Variants in BEAN1 observed in about 807,000 individuals in gnomAD.
BEAN1 encodes brain expressed associated with NEDD4 1.
BEAN1 carries 17 observed loss-of-function variants against 17.7 expected under a neutral mutation model. The observed-to-expected ratio is 0.96, with a 90% CI of 0.66 to 1.44. The LOEUF is 1.44. Ranked by LOEUF, BEAN1 falls within the 40% of genes most tolerant of loss-of-function variation. The pLI is 0.00. For synonymous variants in BEAN1, 142 were observed against 151.8 expected (o/e 0.94, Z 0.47); for missense variants, 359 against 374.1 (o/e 0.96, Z 0.33).
Position 66,437,615 on chromosome 16 carries a change from T to C in BEAN1, c.-62T>C. 4 of 1,511,242 alleles carry C rather than the reference T, an allele frequency of 2.6e-6. No individual in the cohort carries two copies. The South Asian group carries it at 4.8e-5, about 18-fold the overall frequency. 93.6% of individuals were successfully genotyped at this position (1,511,242 alleles called of 1,614,324 possible). A position where few individuals can be genotyped will look rare whatever the true frequency, so the allele number is the denominator to read the frequency against. ...CGCAGGTGAGTGGAGGGGCCTTCCC[T>C]GCGAGAAGTCAGAGCTGTGCCCGTG... On this transcript the variant is annotated 5_prime_UTR_variant, in exon 2 of 5. Transcript: ENST00000536005.
chr16:66,493,425 G>A, exon 5 of BEAN1: 1 of 617,748 alleles, frequency 1.6e-6, no homozygotes, highest in Non-Finnish European at 2.9e-6. Flanking sequence ...CTCCCCAGTG[G>A]CTCTCCAGTC....
At chr16:66,466,320 C>T (rs1163985674) in intron 2 of BEAN1, among the ~76,000 whole-genome samples, 1 of 152,126 alleles carries the variant, frequency 6.6e-6, no homozygotes, top group African/African-American at 2.4e-5. Context: ...AAAAAACACA[C>T]TTCTGGTTTT....
intron 2 of BEAN1, among the ~76,000 whole-genome samples, chr16:66,439,444 G>T (rs1962160878): frequency 6.6e-6 from 1 of 152,230 alleles, no homozygotes; most frequent in African/African-American, 2.4e-5. Context: ...GAGCAGCCCA[G>T]CATGGAGAAG....
At chr16:66,437,254 T>A (rs1267875511) in intron 1 of BEAN1, among the ~76,000 whole-genome samples, 1 of 152,088 alleles carries the variant, frequency 6.6e-6, no homozygotes, top group East Asian at 1.9e-4. Context: ...GATGCCATGG[T>A]CTGTTGAAGT....
rs759861522 is a variant in BEAN1, at chr16:66,469,809, A to G, written c.233A>G (p.His78Arg). The change falls in exon 3 of 5, where the codon CAC (histidine) becomes CGC (arginine). Residue 78 changes from histidine to arginine, a missense_variant. By Grantham distance (29) the His-to-Arg change is conservative. Transcript: ENST00000536005. The stretch of plus-strand genomic sequence containing the variant: ...CACCGCCACCGCCACCACCGCCACC[A>G]CCACCACCATCATCACCACCGCCGG... ...QRHRHRHHRH[H>R]HHHHHHRRRR... is the part of the protein sequence containing the mutation. 41 of 1,529,486 alleles carry G rather than the reference A, an allele frequency of 2.7e-5. No homozygotes were observed. The South Asian group carries it at 4.5e-4, about 17-fold the overall frequency. 94.7% of individuals were successfully genotyped at this position (1,529,486 alleles called of 1,614,324 possible). A position where few individuals can be genotyped will look rare whatever the true frequency, so the allele number is the denominator to read the frequency against.
chr16:66,445,475 CAAAAAAAAAAAAAAAAAAAAAAAA>C (rs61540693), intron 2 of BEAN1, among the ~76,000 whole-genome samples: 78 of 49,328 alleles, frequency 1.6e-3, no homozygotes, highest in Non-Finnish European at 2.3e-3. Flanking sequence ...GACTCCGTCT[CAAAAAAAAAAAAAAAAAAAAAAAA>C]AAAAAAAAAA....
At chr16:66,433,640 C>T (rs1042676551) in intron 1 of BEAN1, among the ~76,000 whole-genome samples, 7 of 152,194 alleles carry the variant, frequency 4.6e-5, no homozygotes, top group South Asian at 2.1e-4. Context: ...ACCACCTCAT[C>T]GGGCCCCTTA....
chr16:66,440,126 T>C (rs868339175), intron 2 of BEAN1, among the ~76,000 whole-genome samples: 5 of 58,904 alleles, frequency 8.5e-5, no homozygotes, highest in African/African-American at 1.7e-4. Flanking sequence ...GGTACTTCTT[T>C]TTTTTTTTTT....
At chr16:66,459,206 C>A (rs1299411728) in intron 2 of BEAN1, among the ~76,000 whole-genome samples, 2 of 152,212 alleles carry the variant, frequency 1.3e-5, no homozygotes, top group African/African-American at 4.8e-5. Flanking sequence ...GGTCTCCTGC[C>A]CCGAACCCTG....
At chr16:66,492,334 A>T (rs1179730140) in intron 4 of BEAN1, among the ~76,000 whole-genome samples, 1 of 151,634 alleles carries the variant, frequency 6.6e-6, no homozygotes, top group African/African-American at 2.4e-5. Context: ...GAGCAGTCAC[A>T]CTCGGCCCCT....
rs557441499 is a variant in BEAN1 at position 66,490,414 on chromosome 16, T to C, written c.148-2548T>C. ...TCTGTTTCAATAAAATAAAATAAAA[T>C]AAAATAAAATAAAATAAAATAAAAT... On this transcript the variant is annotated intron_variant, in intron 4 of 4. Coordinates refer to the BEAN1 transcript ENST00000561796. 7.8e-5 allele frequency among the ~76,000 whole-genome samples: 10 copies of C among 127,846 alleles called. No individual in the cohort carries two copies. The South Asian group carries it at 9.2e-4, about 12-fold the overall frequency. 83.9% of individuals were successfully genotyped at this position (127,846 alleles called of 152,430 possible). A position where few individuals can be genotyped will look rare whatever the true frequency, so the allele number is the denominator to read the frequency against.
chr16:66,475,586 C>G (rs890500603), intron 3 of BEAN1: 2 of 152,238 alleles, frequency 1.3e-5, no homozygotes, highest in Non-Finnish European at 2.9e-5. Context: ...AGCCCTGGTT[C>G]AACTTCCAGT....
At chr16:66,472,013 A>G (rs1408353418) in intron 3 of BEAN1, among the ~76,000 whole-genome samples, 1 of 150,470 alleles carries the variant, frequency 6.6e-6, no homozygotes, top group Admixed American at 6.6e-5. Flanking sequence ...AGCTCCTCCC[A>G]CTCTTTTCCA....
intron 2 of BEAN1, among the ~76,000 whole-genome samples, chr16:66,443,907 G>A (rs6416691): frequency 3.3e-5 from 5 of 151,902 alleles, no homozygotes; most frequent in East Asian, 1.9e-4. Flanking sequence ...AACTCCTGGC[G>A]TCAAGTGATC....
chr16:66,473,212 C>T lies in BEAN1; in HGVS notation c.289+3347C>T, dbSNP rs530468788. Among the ~76,000 whole-genome samples the T allele has an allele frequency of 2.6e-5, 4 of 151,998 alleles. No individual in the cohort carries two copies. The highest frequency in any genetic ancestry group is 3.9e-4 in the East Asian group (2 of 5,152). The stretch of plus-strand genomic sequence containing the variant: ...GCCCCTCTGTAGCCTGTGGTGGCCT[C>T]GGGACTGGTGCCAATGAATGAGGCC... On this transcript the variant is annotated intron_variant, in intron 3 of 4. Transcript: ENST00000536005. The surrounding 1 kb of genome is among the most constrained non-coding windows in gnomAD (Gnocchi z 4.5).
rs1961944453 is a variant in BEAN1, at chr16:66,434,653, G to C, written c.-82-2942G>C. Among the ~76,000 whole-genome samples the C allele has an allele frequency of 6.6e-6, 1 of 152,198 alleles. No homozygotes were observed. Among genetic ancestry groups the C allele is most frequent in the African/African-American group, 2.4e-5 (1 of 41,440 alleles). On this transcript the variant is annotated intron_variant, in intron 1 of 4. Coordinates refer to ENST00000536005, the MANE Select transcript of BEAN1 (RefSeq NM_001178020.3). The surrounding 1 kb of genome is among the most constrained non-coding windows in gnomAD (Gnocchi z 4.3). ...AGCGGGAGGCTGTGTTTAAAGTGCT[G>C]ATGGCATTGCAGGAGGCAGGGAGTG...
Position 66,481,755 on chromosome 16 carries a change from C to T in BEAN1, c.*830C>T, listed in dbSNP as rs189003156. Reference sequence around the variant, plus strand: ...CTAAGGGTCTTCAAGGAAGATGAGGCCATTGCCCTTCTCCAGGTGGCTTCA... The same window carrying T: ...CTAAGGGTCTTCAAGGAAGATGAGGTCATTGCCCTTCTCCAGGTGGCTTCA... On this transcript the variant is annotated 3_prime_UTR_variant, in exon 5 of 5. Coordinates refer to ENST00000536005, the MANE Select transcript of BEAN1 (RefSeq NM_001178020.3). This position sits in a 1 kb window ranked among gnomAD's most constrained non-coding sequence, Gnocchi z 4.1. 5.4e-4 allele frequency: 82 copies of T among 153,020 alleles called. No individual in the cohort carries two copies. Among genetic ancestry groups the T allele is most frequent in the Middle Eastern group, 6.7e-3 (2 of 298 alleles). The allele number at this position is 153,020 out of a possible 1,614,324, so 9.5% of individuals were successfully genotyped here.
intron 2 of BEAN1, among the ~76,000 whole-genome samples, chr16:66,464,722 AAATAT>A (rs1963204172): frequency 6.6e-6 from 1 of 152,168 alleles, no homozygotes; most frequent in East Asian, 1.9e-4. Context: ...GCTACCATAT[AAATAT>A]ATTATTGATT....
intron 2 of BEAN1, among the ~76,000 whole-genome samples, chr16:66,455,416 A>T (rs543048093): frequency 5.6e-4 from 85 of 152,324 alleles, no homozygotes; most frequent in African/African-American, 1.8e-3. Flanking sequence ...AATGATGCTA[A>T]CTAGCACCAG....
Sources: gnomAD v4.1 joint callset for allele counts (sites outside exome capture counted in the v4.1 genomes callset) on GRCh38, gnomAD v4.1.1 for gene constraint, Gnocchi (gnomAD v3.1) non-coding constraint, MANE v1.5 for transcripts, NCBI Gene and HGNC (gene_info 2026-07-23, HGNC 2026-07-21) for gene names.